TBC1D9: variants seen among roughly 807,000 people sequenced by gnomAD.
TBC1D9 encodes TBC1 domain family member 9.
In TBC1D9, 63 loss-of-function variants were observed where a neutral mutation model predicts 132.0. The observed-to-expected ratio is 0.48, with a 90% confidence interval of 0.39 to 0.59. The LOEUF is 0.59. Ranked by LOEUF, TBC1D9 falls within the 20% of genes least tolerant of loss-of-function variation. The pLI is 0.00. For synonymous variants in TBC1D9, 610 were observed against 609.9 expected (o/e 1.00, Z 0.00); for missense variants, 1,261 against 1,592.7 (o/e 0.79, Z 3.54).
Position 140,679,757 on chromosome 4 carries a change from A to G in TBC1D9, c.447T>C (p.His149=), listed in dbSNP as rs749127763. ...EKFKEAIVKF[H]RLFGMPEEEK... Reference sequence around the variant, plus strand: ...CTTCCTCTGGCATCCCAAACAGCCTATGAAATTTCACAATGGCTTCTTTAA... The same window carrying G: ...CTTCCTCTGGCATCCCAAACAGCCTGTGAAATTTCACAATGGCTTCTTTAA... The change falls in exon 4 of 21, where the codon CAT becomes CAC. Residue 149 remains histidine, a synonymous_variant. Coordinates refer to ENST00000442267, the MANE Select transcript of TBC1D9 (RefSeq NM_015130.3). 6 of 1,613,806 alleles carry G rather than the reference A, an allele frequency of 3.7e-6. No individual in the cohort carries two copies. In the South Asian group the frequency reaches 4.4e-5, roughly 12 times the overall value.
chr4:140,630,920 G>C (rs1736784234), intron 16 of TBC1D9, among the ~76,000 whole-genome samples: 1 of 152,118 alleles, frequency 6.6e-6, no homozygotes, highest in Non-Finnish European at 1.5e-5. Context: ...TAGTTTTGAT[G>C]GTTAACTCTA....
At chr4:140,752,147 C>A (rs758914044) in intron 1 of TBC1D9, among the ~76,000 whole-genome samples, 11 of 152,006 alleles carry the variant, frequency 7.2e-5, no homozygotes, top group Non-Finnish European at 1.5e-4. Flanking sequence ...TCCATAATGC[C>A]CCCAAATGAA....
chr4:140,646,248 CT>C (rs1329859322), intron 13 of TBC1D9, among the ~76,000 whole-genome samples: 1 of 152,198 alleles, frequency 6.6e-6, no homozygotes, highest in Non-Finnish European at 1.5e-5. Flanking sequence ...GTCTACACAG[CT>C]GGTAAGCAGC....
At chr4:140,642,114 A>T in intron 13 of TBC1D9, 1 of 743,640 alleles carries the variant, frequency 1.3e-6, no homozygotes, top group Non-Finnish European at 2.5e-6. Context: ...CCTCTTGGTC[A>T]GCTAGGGGCC....
chr4:140,665,795 G>C (rs1737433176), intron 9 of TBC1D9, among the ~76,000 whole-genome samples: 1 of 152,062 alleles, frequency 6.6e-6, no homozygotes, highest in Admixed American at 6.6e-5. Context: ...TCCCATCTCA[G>C]ATTCTTGAGT....
rs1553972447 is a variant in TBC1D9, at chr4:140,713,760, A to AAC, written c.131-12148_131-12147dup. On this transcript the variant is annotated intron_variant, in intron 1 of 20. Transcript: ENST00000442267. ...CTCTGAAAAAGAATTAAAAAAAAAA[A>AAC]ACTATATTTTTTAAAGTAATTTCTA... is the stretch of plus-strand genomic sequence containing the variant. Among the ~76,000 whole-genome samples the AAC allele has an allele frequency of 5.1e-5, 7 of 136,390 alleles. No homozygotes were observed. In the South Asian group the frequency reaches 1.1e-3, roughly 21 times the overall value. The allele number at this position is 136,390 out of a possible 152,430, so 89.5% of individuals were successfully genotyped here.
At chr4:140,754,077 A>C (rs1738966480) in intron 1 of TBC1D9, among the ~76,000 whole-genome samples, 1 of 152,254 alleles carries the variant, frequency 6.6e-6, no homozygotes, top group South Asian at 2.1e-4. Flanking sequence ...GAAGTCATTG[A>C]TGACAAGATG....
chr4:140,686,858 A>G (rs929947527), intron 2 of TBC1D9, among the ~76,000 whole-genome samples: 7 of 152,140 alleles, frequency 4.6e-5, no homozygotes, highest in Admixed American at 2.0e-4. Context: ...TACAGTTGTT[A>G]AGTTGCAACA....
At chr4:140,677,515 C>T (rs1422057213) in intron 5 of TBC1D9, among the ~76,000 whole-genome samples, 2 of 152,188 alleles carry the variant, frequency 1.3e-5, no homozygotes, top group Non-Finnish European at 2.9e-5. Context: ...CACTGGGCCT[C>T]AGTGTCCACC....
rs541541620 is a variant in TBC1D9, at chr4:140,756,081, C to G, written c.-36G>C. The stretch of plus-strand genomic sequence containing the variant: ...GCCGCGGGCGGGCGCACAATGGGCC[C>G]GTGGGTCCAGTCCTGCACCCACCAC... On this transcript the variant is annotated 5_prime_UTR_variant, in exon 1 of 21. Coordinates refer to ENST00000442267, the MANE Select transcript of TBC1D9 (RefSeq NM_015130.3). The surrounding 1 kb of genome is among the most constrained non-coding windows in gnomAD (Gnocchi z 5.6). 7.8e-5 allele frequency: 124 copies of G among 1,589,086 alleles called. No homozygotes were observed. The highest frequency in any genetic ancestry group is 1.0e-4 in the South Asian group (9 of 89,502).
Position 140,679,675 on chromosome 4 carries a change from C to G in TBC1D9, c.529G>C (p.Gly177Arg). 1 of 1,613,794 alleles carries G rather than the reference C, an allele frequency of 6.2e-7. No homozygotes were observed. Among genetic ancestry groups the G allele is most frequent in the Non-Finnish European group, 8.5e-7 (1 of 1,179,816 alleles). Reference sequence around the variant, plus strand: ...TGGTTAATGCTGAGGTACATCCAACCCTGACGGGGGACCTTCCCCTTCCAA... The same window carrying G: ...TGGTTAATGCTGAGGTACATCCAACGCTGACGGGGGACCTTCCCCTTCCAA... ...SYWKGKVPRQ[G>R]WMYLSINHLC... The change falls in exon 4 of 21, where the codon GGT becomes CGT. Residue 177 changes from glycine to arginine, a missense_variant. Physicochemically the swap from Gly to Arg is moderately radical, Grantham distance 125. Around this residue, in one of 3 missense-constraint regions of TBC1D9, gnomAD observed 550 missense variants for 699.0 expected, o/e 0.79. Coordinates refer to ENST00000442267, the MANE Select transcript of TBC1D9 (RefSeq NM_015130.3).
chr4:140,640,691 T>A (rs989159914), intron 13 of TBC1D9, among the ~76,000 whole-genome samples: 2 of 152,150 alleles, frequency 1.3e-5, no homozygotes, highest in African/African-American at 4.8e-5. Context: ...TTTCGCATAT[T>A]TAAAGGATAA....
chr4:140,751,020 C>T (rs1459637072), intron 1 of TBC1D9, among the ~76,000 whole-genome samples: 1 of 152,058 alleles, frequency 6.6e-6, no homozygotes, highest in Non-Finnish European at 1.5e-5. Context: ...CATAACTCTA[C>T]TGTAAGTAGA....
intron 1 of TBC1D9, among the ~76,000 whole-genome samples, chr4:140,717,166 A>T (rs1738347492): frequency 1.3e-5 from 2 of 152,118 alleles, no homozygotes; most frequent in Non-Finnish European, 2.9e-5. Context: ...CTGTTACATC[A>T]CCCTAAATAA....
intron 9 of TBC1D9, among the ~76,000 whole-genome samples, chr4:140,665,494 A>T (rs1285704163): frequency 6.6e-6 from 1 of 152,204 alleles, no homozygotes; most frequent in Non-Finnish European, 1.5e-5. Context: ...AATGTTCAAC[A>T]TCATTATCCT....
intron 2 of TBC1D9, among the ~76,000 whole-genome samples, chr4:140,689,451 T>A: frequency 2.7e-5 from 1 of 37,694 alleles, no homozygotes; most frequent in African/African-American, 1.2e-4. Flanking sequence ...ATTCCTTCCC[T>A]TCCCCCCTTC....
At chr4:140,649,330 A>G (rs1422861370) in intron 13 of TBC1D9, among the ~76,000 whole-genome samples, 1 of 152,254 alleles carries the variant, frequency 6.6e-6, no homozygotes, top group African/African-American at 2.4e-5. Context: ...TCATCAAATT[A>G]TGCTCAAAAT....
chr4:140,634,467 C>T (rs1736846192), intron 15 of TBC1D9, among the ~76,000 whole-genome samples: 1 of 152,154 alleles, frequency 6.6e-6, no homozygotes, highest in Non-Finnish European at 1.5e-5. Context: ...TCTCCCCCAC[C>T]ACATTCTCTT....
At chr4:140,719,159 T>A (rs1017159933) in intron 1 of TBC1D9, among the ~76,000 whole-genome samples, 5 of 136,040 alleles carry the variant, frequency 3.7e-5, no homozygotes, top group African/African-American at 1.3e-4. Flanking sequence ...AATAAATAAA[T>A]AAAAGAAAGT....
Sources: allele counts gnomAD v4.1 joint callset (sites outside exome capture counted in the v4.1 genomes callset), GRCh38; gene constraint gnomAD v4.1.1; regional missense constraint gnomAD v4.1.1; non-coding constraint Gnocchi (gnomAD v3.1); transcripts MANE v1.5; gene names NCBI Gene and HGNC (gene_info 2026-07-23, HGNC 2026-07-21).